Variants in UBE2W observed in about 807,000 individuals in gnomAD.
UBE2W encodes ubiquitin conjugating enzyme E2 W, also known as ubiquitin-conjugating enzyme E2 W.
UBE2W carries 18 observed loss-of-function variants against 27.2 expected under a neutral mutation model. The ratio of observed to expected loss-of-function variants is 0.66; its 90% CI spans 0.46 to 0.98. The LOEUF is 0.98. Among genes scored for constraint, UBE2W ranks in the 50% least tolerant of loss-of-function variants. The probability of loss-of-function intolerance (pLI) is 0.00; values close to 1 mark genes in which losing one functional copy is unlikely to be tolerated. For missense variants in UBE2W, 90 were observed against 180.2 expected (o/e 0.50, Z 2.87); for synonymous variants, 53 against 57.2 (o/e 0.93, Z 0.33).
intron 4 of UBE2W, among the ~76,000 whole-genome samples, chr8:73,808,689 C>T (rs1000052431): frequency 6.6e-6 from 1 of 152,056 alleles, no homozygotes; most frequent in African/African-American, 2.4e-5. Context: ...TGAATTTTAT[C>T]GTATTTCATG....
At chr8:73,839,729 T>G (rs1198325226) in intron 1 of UBE2W, among the ~76,000 whole-genome samples, 1 of 119,346 alleles carries the variant, frequency 8.4e-6, no homozygotes. Flanking sequence ...TTTTTTGGTT[T>G]TTTTTTTTTT....
At position 73,791,084 on chromosome 8, in the gene UBE2W, G is replaced by A. The variant is rs1808170758; in HGVS notation, c.*3018C>T. 6 of 984,650 alleles carry A rather than the reference G, an allele frequency of 6.1e-6. No homozygotes were observed. The highest frequency in any genetic ancestry group is 7.2e-6 in the Non-Finnish European group (6 of 829,536). 61.0% of individuals were successfully genotyped at this position (984,650 alleles called of 1,614,324 possible). ...AAGCTATTTCCAGCACTTTCTTCTG[G>A]GGATTAAAAATGATTTATTTCCCTG... On this transcript the variant is annotated 3_prime_UTR_variant, in exon 6 of 6. Transcript: ENST00000602593.
rs1808137893 is a variant in UBE2W, at chr8:73,790,291, C to G, written c.*3811G>C. 1 of 985,108 alleles carries G rather than the reference C, an allele frequency of 1.0e-6. No individual in the cohort carries two copies. The highest frequency in any genetic ancestry group is 1.7e-5 in the African/African-American group (1 of 57,158). 61.0% of individuals were successfully genotyped at this position (985,108 alleles called of 1,614,324 possible). On this transcript the variant is annotated 3_prime_UTR_variant, in exon 6 of 6. Coordinates refer to ENST00000602593, the MANE Select transcript of UBE2W (RefSeq NM_018299.6). ...GAAAAATAGGAAGAAAAATAAAGGA[C>G]AGATTTAAAACAATTTAAAAAGGAC...
chr8:73,798,405 G>T (rs1808509861), intron 5 of UBE2W, among the ~76,000 whole-genome samples: 1 of 152,156 alleles, frequency 6.6e-6, no homozygotes, highest in African/African-American at 2.4e-5. Context: ...CCCCAAGATA[G>T]CTCATTATGT....
intron 1 of UBE2W, among the ~76,000 whole-genome samples, chr8:73,858,728 T>C (rs1190378476): frequency 6.6e-6 from 1 of 151,550 alleles, no homozygotes; most frequent in African/African-American, 2.4e-5. Flanking sequence ...TTTAACACTA[T>C]TTTTACTATT....
intron 3 of UBE2W, among the ~76,000 whole-genome samples, chr8:73,819,821 C>A (rs756270532): frequency 5.3e-5 from 8 of 152,086 alleles, no homozygotes; most frequent in Non-Finnish European, 1.0e-4. Context: ...ACACAACAAA[C>A]CATAATGGTG....
chr8:73,802,768 A>G (rs1808700935), intron 5 of UBE2W, among the ~76,000 whole-genome samples: 1 of 152,200 alleles, frequency 6.6e-6, no homozygotes, highest in Admixed American at 6.5e-5. Context: ...TCATGCCTGT[A>G]ATCCCAGCAC....
intron 5 of UBE2W, among the ~76,000 whole-genome samples, 179 bp downstream of exon 5, chr8:73,805,472 C>CAACAAAAA (rs1554579997): frequency 1.4e-4 from 6 of 43,694 alleles, no homozygotes; most frequent in South Asian, 1.9e-3. Context: ...AAAAAAAAAA[C>CAACAAAAA]AAAAAAAACT....
chr8:73,806,470 C>T (rs946919518), intron 4 of UBE2W, among the ~76,000 whole-genome samples: 6 of 145,478 alleles, frequency 4.1e-5, no homozygotes, highest in African/African-American at 1.0e-4. Context: ...GAGGCCGAGG[C>T]GGGTGGATCA....
chr8:73,836,467 T>C (rs1473991246), intron 1 of UBE2W, among the ~76,000 whole-genome samples: 3 of 152,196 alleles, frequency 2.0e-5, no homozygotes, highest in Non-Finnish European at 4.4e-5. Flanking sequence ...AATTCACCCT[T>C]AGTTGCATTC....
chr8:73,867,425 C>T (rs987232276), intron 1 of UBE2W, among the ~76,000 whole-genome samples: 29 of 152,214 alleles, frequency 1.9e-4, no homozygotes, highest in African/African-American at 6.5e-4. Context: ...GTCCCAGCTA[C>T]TCGGGAGGCT....
chr8:73,874,519 C>T (rs1488422871), intron 1 of UBE2W, among the ~76,000 whole-genome samples: 1 of 151,834 alleles, frequency 6.6e-6, no homozygotes, highest in Non-Finnish European at 1.5e-5. Flanking sequence ...AAAAGAATAC[C>T]TCAATACTGC....
Position 73,810,573 on chromosome 8 carries a change from A to G in UBE2W, c.267T>C (p.His89=). Residue 89 remains histidine (H), a synonymous_variant, in exon 4 of 6, where the codon CAT becomes CAC. Coordinates refer to ENST00000602593, the MANE Select transcript of UBE2W (RefSeq NM_018299.6). ...CTTCTGTTAGAATGGATAAACAGAT[A>G]TGACCATTGCTATAAACATGAGGAT... ...PVHPHVYSNG[H]ICLSILTEDW... 1.2e-6 allele frequency: 2 copies of G among 1,612,192 alleles called. No homozygotes were observed. The highest frequency in any genetic ancestry group is 1.7e-6 in the Non-Finnish European group (2 of 1,178,964).
At chr8:73,878,414 C>T (rs1314431071) in intron 1 of UBE2W, among the ~76,000 whole-genome samples, 3 of 152,210 alleles carry the variant, frequency 2.0e-5, no homozygotes, top group South Asian at 2.1e-4. Context: ...GCAACAACCG[C>T]GGGCGCAGCT....
At chr8:73,794,160 A>G (rs564118707) in intron 5 of UBE2W, 45 bp from the exon 6 acceptor site, 2 of 1,599,688 alleles carry the variant, frequency 1.3e-6, no homozygotes, top group South Asian at 2.3e-5. Flanking sequence ...TCAAGCATGT[A>G]TAAGTAAATT....
At position 73,792,106 on chromosome 8, in the gene UBE2W, G is replaced by A. The variant is rs926559936; in HGVS notation, c.*1996C>T. ...TCAAACAGTAGTGTAGAGCAGTTAC[G>A]CAAAATATGAAAATACATAATTTAC... On this transcript the variant is annotated 3_prime_UTR_variant, in exon 6 of 6. Transcript: ENST00000602593. The A allele has an allele frequency of 2.0e-5, 20 of 985,068 alleles. No individual in the cohort carries two copies. The highest frequency in any genetic ancestry group is 1.2e-4 in the African/African-American group (7 of 57,194). 61.0% of individuals were successfully genotyped at this position (985,068 alleles called of 1,614,324 possible). A position where few individuals can be genotyped will look rare whatever the true frequency, so the allele number is the denominator to read the frequency against.
In UBE2W at chr8:73,791,419, T is replaced by C; in HGVS notation, c.*2683A>G. The C allele has an allele frequency of 2.0e-6, 2 of 984,976 alleles. No homozygotes were observed. Among genetic ancestry groups the C allele is most frequent in the Non-Finnish European group, 2.4e-6 (2 of 829,592 alleles). The allele number at this position is 984,976 out of a possible 1,614,324, so 61.0% of individuals were successfully genotyped here. A position where few individuals can be genotyped will look rare whatever the true frequency, so the allele number is the denominator to read the frequency against. ...AATAAAAGAAGAAGAGTGTACCTTA[T>C]CTTCTAAGTATGAAAGTCTAATTCT... On this transcript the variant is annotated 3_prime_UTR_variant, in exon 6 of 6. Coordinates refer to ENST00000602593, the MANE Select transcript of UBE2W (RefSeq NM_018299.6).
chr8:73,860,977 G>C (rs1563628509), intron 1 of UBE2W, among the ~76,000 whole-genome samples: 1 of 152,082 alleles, frequency 6.6e-6, no homozygotes, highest in Non-Finnish European at 1.5e-5. Flanking sequence ...AATTAGCTGA[G>C]CATGGTGGCA....
rs1291421387 is a variant in UBE2W at position 73,822,433 on chromosome 8, CA to C, written c.210+2713del. Among the ~76,000 whole-genome samples, 7 of 151,564 alleles carry C rather than the reference CA, an allele frequency of 4.6e-5. No individual in the cohort carries two copies. The South Asian group carries it at 1.5e-3, about 31-fold the overall frequency. On this transcript the variant is annotated intron_variant, in intron 3 of 5. Transcript: ENST00000602593. ...AGAGCTCACTAAAATGCTAATTAGG[CA>C]AAAACAGGAGGTAAAGAAATAGCCA... is the stretch of plus-strand genomic sequence containing the variant.
Sources: gnomAD v4.1 joint callset for allele counts (sites outside exome capture counted in the v4.1 genomes callset) on GRCh38, gnomAD v4.1.1 for gene constraint, MANE v1.5 for transcripts, NCBI Gene and HGNC (gene_info 2026-07-23, HGNC 2026-07-21) for gene names.